The following ZNF486 variants were observed in gnomAD, a reference collection of about 807,000 sequenced individuals.
ZNF486 encodes the protein zinc finger protein 486, also known as KRAB box only protein 2.
Under a neutral mutation model 12.8 loss-of-function variants are expected in ZNF486, and 12 were observed. The observed-to-expected ratio is 0.94, with a 90% confidence interval of 0.60 to 1.52. The LOEUF (loss-of-function observed/expected upper bound fraction) is 1.52, where lower values mean the gene tolerates loss of function less well. Ranked by LOEUF, ZNF486 falls within the 40% of genes most tolerant of loss-of-function variation. ZNF486 has a pLI of 0.00. For synonymous variants in ZNF486, 231 were observed against 184.9 expected (o/e 1.25, Z -2.02); for missense variants, 738 against 545.0 (o/e 1.35, Z -3.53).
In ZNF486 at chr19:20,179,619, G is replaced by T. The variant is rs79326056; in HGVS notation, c.31-4737G>T. Among the ~76,000 whole-genome samples the T allele has an allele frequency of 1.4e-3, 210 of 152,140 alleles. 3 individuals carry two copies. In the East Asian group the frequency reaches 0.038, roughly 28 times the overall value. On this transcript the variant is annotated intron_variant, in intron 1 of 3. Transcript: ENST00000335117. The stretch of plus-strand genomic sequence containing the variant: ...ATCCTACCTAGAATTTGCAGATAAG[G>T]TCTGCCCTCTGCCTGGGATTTAAAA...
intron 1 of ZNF486, among the ~76,000 whole-genome samples, chr19:20,184,083 A>T (rs1398561033): frequency 6.6e-6 from 1 of 152,224 alleles, no homozygotes; most frequent in East Asian, 1.9e-4. Context: ...GCACTCAAAA[A>T]TGTACATGTT....
chr19:20,194,534 C>G (rs1483388102), intron 3 of ZNF486, among the ~76,000 whole-genome samples: 2 of 152,242 alleles, frequency 1.3e-5, no homozygotes, highest in East Asian at 1.9e-4. Context: ...TGAGACCAGC[C>G]AGGCTAACAT....
intron 1 of ZNF486, among the ~76,000 whole-genome samples, chr19:20,178,969 G>T (rs956690573): frequency 3.3e-5 from 5 of 152,170 alleles, no homozygotes; most frequent in Non-Finnish European, 7.3e-5. Context: ...GCTCACAAAT[G>T]TGCAGGTAAC....
chr19:20,193,132 T>C (rs1369585520), intron 3 of ZNF486, among the ~76,000 whole-genome samples: 3 of 149,404 alleles, frequency 2.0e-5, no homozygotes, highest in Non-Finnish European at 4.4e-5. Context: ...GTTAAAACAA[T>C]ATGTTTCAAT....
At chr19:20,184,320 A>G in intron 1 of ZNF486, 36 bp from the exon 2 acceptor site, 1 of 1,608,626 alleles carries the variant, frequency 6.2e-7, no homozygotes, top group Non-Finnish European at 8.5e-7. Flanking sequence ...ACCAACGGCG[A>G]CTTGGTGAAA....
rs1347553709 is a variant in ZNF486 at position 20,198,991 on chromosome 19, T to C, written c.*889T>C. ...AAATGTGACAAAGCCTTTATATGGT[T>C]GCCACACTTTATTGTAGGTAATTCA... On this transcript the variant is annotated 3_prime_UTR_variant, in exon 4 of 4. Transcript: ENST00000335117. The C allele has an allele frequency of 1.3e-5, 2 of 151,482 alleles. No individual in the cohort carries two copies. The highest frequency in any genetic ancestry group is 4.9e-5 in the African/African-American group (2 of 40,972). 9.4% of individuals were successfully genotyped at this position (151,482 alleles called of 1,614,324 possible). A position where few individuals can be genotyped will look rare whatever the true frequency, so the allele number is the denominator to read the frequency against.
rs2089981316 is a variant in ZNF486, at chr19:20,198,245, A to G, written c.*143A>G. On this transcript the variant is annotated 3_prime_UTR_variant, in exon 4 of 4. Transcript: ENST00000335117. ...AACTCTCCTTAGTAGCTAGGATTAC[A>G]GGGCTGCACCACCACACCTGGCTAA... 8 of 681,864 alleles carry G rather than the reference A, an allele frequency of 1.2e-5. No individual in the cohort carries two copies. The highest frequency in any genetic ancestry group is 2.0e-5 in the Non-Finnish European group (8 of 405,178). 42.2% of individuals were successfully genotyped at this position (681,864 alleles called of 1,614,324 possible). A position where few individuals can be genotyped will look rare whatever the true frequency, so the allele number is the denominator to read the frequency against.
intron 1 of ZNF486, 34 bp downstream of exon 1, chr19:20,167,394 GA>G (rs1568313650): frequency 6.2e-7 from 1 of 1,609,232 alleles, no homozygotes; most frequent in South Asian, 1.1e-5. Flanking sequence ...TGAGAGAGGG[GA>G]GGGACTGGTT....
At chr19:20,172,649 GTTCT>G (rs782544115) in intron 1 of ZNF486, among the ~76,000 whole-genome samples, 68 of 147,414 alleles carry the variant, frequency 4.6e-4, no homozygotes, top group Non-Finnish European at 8.2e-4. Flanking sequence ...ACTTGTTTAA[GTTCT>G]TTTTTTTTTT....
At chr19:20,168,529 C>G in intron 1 of ZNF486, among the ~76,000 whole-genome samples, 1 of 151,882 alleles carries the variant, frequency 6.6e-6, no homozygotes, top group East Asian at 2.0e-4. Flanking sequence ...TGGCGCATGC[C>G]TGTAATCCCA....
chr19:20,169,305 C>G, intron 1 of ZNF486, among the ~76,000 whole-genome samples: 1 of 152,152 alleles, frequency 6.6e-6, no homozygotes, highest in East Asian at 1.9e-4. Flanking sequence ...CTAGGGGTTT[C>G]TCCATGTTGG....
chr19:20,169,065 T>C (rs1038214310), intron 1 of ZNF486, among the ~76,000 whole-genome samples: 15 of 151,580 alleles, frequency 9.9e-5, no homozygotes, highest in Admixed American at 3.3e-4. Context: ...GGTGTCGAAC[T>C]CCTGACCTTG....
intron 1 of ZNF486, among the ~76,000 whole-genome samples, chr19:20,178,091 T>C (rs2089742648): frequency 7.2e-6 from 1 of 138,812 alleles, no homozygotes; most frequent in Admixed American, 7.6e-5. Flanking sequence ...GCCCGGCTAA[T>C]TTTTTTTTTG....
chr19:20,187,500 G>GTTTTTTTT (rs57208523), intron 3 of ZNF486, among the ~76,000 whole-genome samples: 1 of 119,660 alleles, frequency 8.4e-6, no homozygotes, highest in Non-Finnish European at 1.7e-5. Context: ...ACCTCTTCAA[G>GTTTTTTTT]TTTTTTTTTT....
intron 1 of ZNF486, among the ~76,000 whole-genome samples, chr19:20,173,199 T>C (rs1232966936): frequency 6.6e-6 from 1 of 152,200 alleles, no homozygotes; most frequent in Non-Finnish European, 1.5e-5. Context: ...TAATTTTGTT[T>C]TACATTTAAG....
rs1568313611 is a variant in ZNF486, at chr19:20,167,345, T to C, written c.15T>C (p.Leu5=). ...CCACAGCCAAGATGCCGGGACCCCT[T>C]AGAAGCCTAGAAATGGTGAGAGTGC... MPGP[L]RSLEMESLQF... The change falls in exon 1 of 4, where the codon CTT becomes CTC. Residue 5 remains leucine, a synonymous_variant. Transcript: ENST00000335117. The C allele has an allele frequency of 6.2e-7, 1 of 1,613,874 alleles. No homozygotes were observed. The highest frequency in any genetic ancestry group is 1.7e-5 in the Admixed American group (1 of 60,000).
chr19:20,189,990 G>T (rs2122669996), intron 3 of ZNF486, among the ~76,000 whole-genome samples: 1 of 152,174 alleles, frequency 6.6e-6, no homozygotes, highest in Non-Finnish European at 1.5e-5. Flanking sequence ...TATCGTTCAA[G>T]GAAATAACCC....
rs1275917426 is a variant in ZNF486 at position 20,187,595 on chromosome 19, G to A, written c.253+1513G>A. Among the ~76,000 whole-genome samples, 8 of 145,592 alleles carry A rather than the reference G, an allele frequency of 5.5e-5. No individual in the cohort carries two copies. In the East Asian group the frequency reaches 1.4e-3, roughly 26 times the overall value. On this transcript the variant is annotated intron_variant, in intron 3 of 3. Transcript: ENST00000335117. Reference sequence around the variant, plus strand: ...CAGCTCACTGCAACCTCCACCTCCCGGGTTCACGCCATTCTCCTGCCTCAG... The same window carrying A: ...CAGCTCACTGCAACCTCCACCTCCCAGGTTCACGCCATTCTCCTGCCTCAG...
intron 3 of ZNF486, among the ~76,000 whole-genome samples, chr19:20,192,487 A>G (rs1335009699): frequency 6.6e-6 from 1 of 151,986 alleles, no homozygotes; most frequent in Non-Finnish European, 1.5e-5. Context: ...TTTGTATTTT[A>G]GGTAGAGATG....
Sources: allele counts gnomAD v4.1 joint callset (sites outside exome capture counted in the v4.1 genomes callset), GRCh38; gene constraint gnomAD v4.1.1; transcripts MANE v1.5; gene names NCBI Gene and HGNC (gene_info 2026-07-23, HGNC 2026-07-21).